TRAF7: variants seen among roughly 807,000 people sequenced by gnomAD.
The protein encoded by TRAF7 is TNF receptor associated factor 7.
TRAF7 carries 45 observed loss-of-function variants against 89.3 expected under a neutral mutation model. The ratio of observed to expected loss-of-function variants is 0.50; its 90% CI spans 0.40 to 0.65. TRAF7 has a LOEUF of 0.65. Among genes scored for constraint, TRAF7 ranks in the 30% least tolerant of loss-of-function variants. TRAF7 has a pLI of 0.00. For synonymous variants in TRAF7, 406 were observed against 369.2 expected (o/e 1.10, Z -1.14); for missense variants, 677 against 918.1 (o/e 0.74, Z 3.39).
chr16:2,164,150 G>T (rs1330082479), intron 2 of TRAF7, 149 bp downstream of exon 2: 1 of 586,640 alleles, frequency 1.7e-6, no homozygotes, highest in Non-Finnish European at 2.9e-6. Context: ...GTGTGTGTGT[G>T]TGTGTGTGTG....
rs562562389 is a variant in TRAF7, at chr16:2,158,638, G to C, written c.-39+2780G>C. 2.6e-5 allele frequency among the ~76,000 whole-genome samples: 4 copies of C among 152,308 alleles called. No individual in the cohort carries two copies. In the South Asian group the frequency reaches 8.3e-4, roughly 32 times the overall value. On this transcript the variant is annotated intron_variant, in intron 1 of 20. Coordinates refer to ENST00000326181, the MANE Select transcript of TRAF7 (RefSeq NM_032271.3). The surrounding 1 kb of genome is among the most constrained non-coding windows in gnomAD (Gnocchi z 4.7). The stretch of plus-strand genomic sequence containing the variant: ...CCTCACATTCCTGTTGCCTCTTCGG[G>C]CCCATGTATGGCCAGTGTTTATGTC...
chr16:2,158,784 A>ACTG lies in TRAF7; in HGVS notation c.-39+2928_-39+2930dup, dbSNP rs2093046557. Among the ~76,000 whole-genome samples the ACTG allele has an allele frequency of 7.4e-6, 1 of 135,420 alleles. No homozygotes were observed. Among genetic ancestry groups the ACTG allele is most frequent in the South Asian group, 2.5e-4 (1 of 3,950 alleles). 88.8% of individuals were successfully genotyped at this position (135,420 alleles called of 152,430 possible). On this transcript the variant is annotated intron_variant, in intron 1 of 20. Transcript: ENST00000326181. The surrounding 1 kb of genome is among the most constrained non-coding windows in gnomAD (Gnocchi z 4.7). The stretch of plus-strand genomic sequence containing the variant: ...TGGGCTCGGCGGGGGGGGGGGGGAC[A>ACTG]CTGCCACCCTTGGCTCTTGGGCAAA...
intron 14 of TRAF7, among the ~76,000 whole-genome samples, chr16:2,174,613 T>C (rs1477939450): frequency 2.0e-5 from 3 of 151,856 alleles, no homozygotes; most frequent in Non-Finnish European, 4.4e-5. Context: ...AACCAGAAGA[T>C]AGGGGGGACC....
chr16:2,173,857 G>GCGGGGCGCCCCCCC, intron 12 of TRAF7, 21 bp downstream of exon 12: 1 of 1,607,504 alleles, frequency 6.2e-7, no homozygotes, highest in Non-Finnish European at 8.5e-7. Flanking sequence ...ACCCGCCGTG[G>GCGGGGCGCCCCCCC]CTCCCGCCCA....
At position 2,163,660 on chromosome 16, in the gene TRAF7, C is replaced by G; in HGVS notation, c.-38-223C>G. 1.9e-6 allele frequency: 1 copy of G among 533,150 alleles called. No homozygotes were observed. Among genetic ancestry groups the G allele is most frequent in the Non-Finnish European group, 3.4e-6 (1 of 294,806 alleles). 33.0% of individuals were successfully genotyped at this position (533,150 alleles called of 1,614,324 possible). ...CTCAGAAAGGCTAAGCCTTGAGGGA[C>G]GGTGACGCAGAGCCGCCTGCCTGCC... On this transcript the variant is annotated intron_variant, in intron 1 of 20. Transcript: ENST00000326181. The surrounding 1 kb of genome is among the most constrained non-coding windows in gnomAD (Gnocchi z 4.3).
At position 2,176,002 on chromosome 16, in the gene TRAF7, C is replaced by T. The variant is rs774739165; in HGVS notation, c.1747-47C>T. On this transcript the variant is annotated intron_variant, in intron 18 of 20. Coordinates refer to ENST00000326181, the MANE Select transcript of TRAF7 (RefSeq NM_032271.3). ...AAGGCCAGACTGTGGCCCCGTCTCCCCCGCCTTGCTCAGTGTCTTTGACCT... is the reference window on the plus strand; with the variant it reads ...AAGGCCAGACTGTGGCCCCGTCTCCTCCGCCTTGCTCAGTGTCTTTGACCT... 4.3e-6 allele frequency: 7 copies of T among 1,611,232 alleles called. No individual in the cohort carries two copies. The East Asian group carries it at 6.7e-5, about 15-fold the overall frequency.
intron 12 of TRAF7, 42 bp downstream of exon 12, chr16:2,173,878 C>CCCCCCCCCCCCA: frequency 2.5e-6 from 4 of 1,590,992 alleles, no homozygotes; most frequent in East Asian, 2.3e-5. Context: ...CCCTCCCCCC[C>CCCCCCCCCCCCA]GGGCCCCAAC....
chr16:2,163,963 G>C lies in TRAF7; in HGVS notation c.43G>C (p.Gly15Arg). ...TGCCCGCTACAACCGCTTCTCCGGGGGGCCCAGCAATCTTCCCACCCCAGA... is the reference window on the plus strand; with the variant it reads ...TGCCCGCTACAACCGCTTCTCCGGGCGGCCCAGCAATCTTCCCACCCCAGA... ...KSARYNRFSG[G>R]PSNLPTPDVT... Residue 15 changes from glycine to arginine, a missense_variant, in exon 2 of 21, where the codon GGG (glycine) becomes CGG (arginine). Physicochemically the swap from Gly to Arg is moderately radical, Grantham distance 125 (BLOSUM62 -2). Coordinates refer to ENST00000326181, the MANE Select transcript of TRAF7 (RefSeq NM_032271.3). The surrounding 1 kb of genome is among the most constrained non-coding windows in gnomAD (Gnocchi z 4.3). 1 of 1,612,908 alleles carries C rather than the reference G, an allele frequency of 6.2e-7. No individual in the cohort carries two copies. Among genetic ancestry groups the C allele is most frequent in the Non-Finnish European group, 8.5e-7 (1 of 1,179,806 alleles).
chr16:2,176,774 T>C lies in TRAF7; in HGVS notation c.*200T>C. ...GGCACTGTCCTTGCTGCCCAGCCCC[T>C]CTCTGGGTGCCAGGTACGACGCTTG... On this transcript the variant is annotated 3_prime_UTR_variant, in exon 21 of 21. Transcript: ENST00000326181. The C allele has an allele frequency of 1.3e-6, 1 of 754,030 alleles. No individual in the cohort carries two copies. Among genetic ancestry groups the C allele is most frequent in the Non-Finnish European group, 2.2e-6 (1 of 455,322 alleles). 46.7% of individuals were successfully genotyped at this position (754,030 alleles called of 1,614,324 possible).
At position 2,173,568 on chromosome 16, in the gene TRAF7, G is replaced by C. The variant is rs1375825999; in HGVS notation, c.1086+14G>C. 3 of 1,611,842 alleles carry C rather than the reference G, an allele frequency of 1.9e-6. No homozygotes were observed. Among genetic ancestry groups the C allele is most frequent in the Non-Finnish European group, 2.5e-6 (3 of 1,178,838 alleles). ...TCCATGTTAAATGTGAGCGGGCGGG[G>C]CTGGAGGGGCTGGGTTGTGAGACCC... On this transcript the variant is annotated intron_variant, in intron 11 of 20. Coordinates refer to ENST00000326181, the MANE Select transcript of TRAF7 (RefSeq NM_032271.3).
In TRAF7 at chr16:2,159,998, C is replaced by T. The variant is rs1162711553; in HGVS notation, c.-38-3885C>T. 6.6e-6 allele frequency among the ~76,000 whole-genome samples: 1 copy of T among 152,200 alleles called. No individual in the cohort carries two copies. Among genetic ancestry groups the T allele is most frequent in the Admixed American group, 6.5e-5 (1 of 15,286 alleles). ...ATCCCACATGCCCCCAGGGCGATGC[C>T]CCAGCAGAGCCCTCTAAGCCCAGCT... is the stretch of plus-strand genomic sequence containing the variant. On this transcript the variant is annotated intron_variant, in intron 1 of 20. Transcript: ENST00000326181. The surrounding 1 kb of genome is among the most constrained non-coding windows in gnomAD (Gnocchi z 6.5).
chr16:2,169,072 G>A (rs1223426965), intron 4 of TRAF7, among the ~76,000 whole-genome samples: 3 of 152,004 alleles, frequency 2.0e-5, no homozygotes, highest in Non-Finnish European at 2.9e-5. Flanking sequence ...CACAACCTCC[G>A]CCTCCCGGGT....
Position 2,176,838 on chromosome 16 carries a change from C to T in TRAF7, c.*264C>T. ...TCCATCCCCACCCTCCATCCCCACC[C>T]TAGATGGAGCGAGGGCCTTTTTACT... On this transcript the variant is annotated 3_prime_UTR_variant, in exon 21 of 21. Coordinates refer to ENST00000326181, the MANE Select transcript of TRAF7 (RefSeq NM_032271.3). 2 of 598,420 alleles carry T rather than the reference C, an allele frequency of 3.3e-6. No homozygotes were observed. The highest frequency in any genetic ancestry group is 6.0e-6 in the Non-Finnish European group (2 of 335,604). 37.1% of individuals were successfully genotyped at this position (598,420 alleles called of 1,614,324 possible).
At chr16:2,173,859 T>TGGGCGGGCCCCCCCCCC in intron 12 of TRAF7, 23 bp downstream of exon 12, 1 of 1,246,252 alleles carries the variant, frequency 8.0e-7, no homozygotes, top group Non-Finnish European at 1.1e-6. Context: ...CCGCCGTGGC[T>TGGGCGGGCCCCCCCCCC]CCCGCCCACC....
chr16:2,160,550 T>C (rs1260701220), intron 1 of TRAF7, among the ~76,000 whole-genome samples: 3 of 5,682 alleles, frequency 5.3e-4, no homozygotes, highest in Admixed American at 4.1e-3. Flanking sequence ...GCGGTGTGGA[T>C]GGGCGGGCGG....
rs2141268955 is a variant in TRAF7, at chr16:2,162,763, GC to G, written c.-38-1117del. ...GCCTCGAGGTGGACAGTGCAGGTGGGCCCGGGGCAGGAGTCCTGGGCACGTG... is the reference window on the plus strand; with the variant it reads ...GCCTCGAGGTGGACAGTGCAGGTGGGCCGGGGCAGGAGTCCTGGGCACGTG... On this transcript the variant is annotated intron_variant, in intron 1 of 20. Transcript: ENST00000326181. The surrounding 1 kb of genome is among the most constrained non-coding windows in gnomAD (Gnocchi z 5.0). 6.6e-6 allele frequency among the ~76,000 whole-genome samples: 1 copy of G among 152,064 alleles called. No homozygotes were observed. Among genetic ancestry groups the G allele is most frequent in the East Asian group, 1.9e-4 (1 of 5,198 alleles).
chr16:2,177,723 C>T lies in TRAF7; in HGVS notation c.*1149C>T, dbSNP rs2093145668. ...CACGTGGCTGCCACGCTGACACACC[C>T]ACATTCACCAAACCCACCCGCGCCC... On this transcript the variant is annotated 3_prime_UTR_variant, in exon 21 of 21. Transcript: ENST00000326181. The T allele has an allele frequency of 4.1e-6, 1 of 242,962 alleles. No individual in the cohort carries two copies. Among genetic ancestry groups the T allele is most frequent in the African/African-American group, 2.2e-5 (1 of 45,264 alleles). The allele number at this position is 242,962 out of a possible 1,614,324, so 15.1% of individuals were successfully genotyped here.
At position 2,159,700 on chromosome 16, in the gene TRAF7, G is replaced by A. The variant is rs974764869; in HGVS notation, c.-39+3842G>A. Among the ~76,000 whole-genome samples, 3 of 152,188 alleles carry A rather than the reference G, an allele frequency of 2.0e-5. No homozygotes were observed. Among genetic ancestry groups the A allele is most frequent in the Admixed American group, 6.5e-5 (1 of 15,288 alleles). On this transcript the variant is annotated intron_variant, in intron 1 of 20. Transcript: ENST00000326181. The surrounding 1 kb of genome is among the most constrained non-coding windows in gnomAD (Gnocchi z 6.5). ...AGGCGGGGCGGAGGCTTCTGGAGCC[G>A]TCCCAGGCTCCTCCCAGGGCAGTTG...
At chr16:2,175,738 G>C in intron 17 of TRAF7, 96 bp from the exon 18 acceptor site, 1 of 1,589,340 alleles carries the variant, frequency 6.3e-7, no homozygotes, top group Admixed American at 1.7e-5. Context: ...CTGGCTGGGT[G>C]GGTGGGCTGC....
Sources: allele counts gnomAD v4.1 joint callset (sites outside exome capture counted in the v4.1 genomes callset), GRCh38; gene constraint gnomAD v4.1.1; non-coding constraint Gnocchi (gnomAD v3.1); transcripts MANE v1.5; gene names NCBI Gene and HGNC (gene_info 2026-07-23, HGNC 2026-07-21).